The following ANO8 variants were observed in gnomAD, a reference collection of about 807,000 sequenced individuals.
ANO8 encodes the protein anoctamin 8.
ANO8 carries 67 observed loss-of-function variants against 120.4 expected under a neutral mutation model. The observed-to-expected ratio is 0.56, with a 90% CI of 0.46 to 0.68. The LOEUF is 0.68. ANO8 is among the 30% of genes least tolerant of loss of function. The probability of loss-of-function intolerance (pLI) is 0.00; values close to 1 mark genes in which losing one functional copy is unlikely to be tolerated. For missense variants in ANO8, 1,526 were observed against 1,737.6 expected (o/e 0.88, Z 2.16); for synonymous variants, 727 against 759.2 (o/e 0.96, Z 0.70).
chr19:17,328,895 C>T lies in ANO8; in HGVS notation c.1493G>A (p.Gly498Asp). The stretch of plus-strand genomic sequence containing the variant: ...CCAGACGGCCCGCAGGCCCAGCTCG[C>T]CGCGGCCCAGGCGCCGGTACAGGTG... ...QPHLYRRLGRGELGLRAVWEL... is the reference protein window; with the variant it reads ...QPHLYRRLGRDELGLRAVWEL... The change falls in exon 13 of 18, where the codon GGC becomes GAC. Residue 498 changes from glycine (G) to aspartate (D), a missense_variant. This residue lies in a region of ANO8 where 467 missense variants were observed against 425.8 expected (regional missense o/e 1.10). Transcript: ENST00000159087. 1.3e-6 allele frequency: 2 copies of T among 1,503,616 alleles called. No homozygotes were observed. The highest frequency in any genetic ancestry group is 1.4e-5 in the African/African-American group (1 of 69,054). The allele number at this position is 1,503,616 out of a possible 1,614,324, so 93.1% of individuals were successfully genotyped here.
Position 17,324,764 on chromosome 19 carries a change from G to A in ANO8, c.3284C>T (p.Ala1095Val). 3 of 1,547,620 alleles carry A rather than the reference G, an allele frequency of 1.9e-6. No individual in the cohort carries two copies. Among genetic ancestry groups the A allele is most frequent in the Non-Finnish European group, 2.6e-6 (3 of 1,148,396 alleles). ...RVQRSGPVDE[A>V]LAEELEAPRP... ...GGGGGCTTCCAGCTCCTCAGCCAGG[G>A]CCTCGTCCACCGGCCCACTCCTCTG... is the stretch of plus-strand genomic sequence containing the variant. Residue 1095 changes from alanine to valine, a missense_variant, in exon 17 of 18, where the codon GCC (alanine) becomes GTC (valine). Physicochemically the swap from Ala to Val is moderately conservative, Grantham distance 64. Transcript: ENST00000159087.
At position 17,331,362 on chromosome 19, in the gene ANO8, G is replaced by C; in HGVS notation, c.636C>G (p.His212Gln). The C allele has an allele frequency of 6.2e-7, 1 of 1,614,018 alleles. No individual in the cohort carries two copies. Among genetic ancestry groups the C allele is most frequent in the Non-Finnish European group, 8.5e-7 (1 of 1,180,028 alleles). The change falls in exon 6 of 18, where the codon CAC becomes CAG. Residue 212 changes from histidine (H) to glutamine (Q), a missense_variant. His to Gln is a conservative substitution (Grantham distance 24). Around this residue, in one of 8 missense-constraint regions of ANO8, gnomAD observed 322 missense variants for 431.8 expected, o/e 0.75. Coordinates refer to ENST00000159087, the MANE Select transcript of ANO8 (RefSeq NM_020959.3). ...RGIIQQVFPV[H>Q]EQRILNRLMK... ...TGAGGCGGTTCAGAATACGCTGCTC[G>C]TGGACAGGGAACACCTGCTGGATGA... is the stretch of plus-strand genomic sequence containing the variant.
At position 17,333,227 on chromosome 19, in the gene ANO8, C is replaced by G. The variant is rs536558508; in HGVS notation, c.363G>C (p.Gly121=). 1.7e-5 allele frequency: 27 copies of G among 1,609,894 alleles called. No homozygotes were observed. In the South Asian group the frequency reaches 2.3e-4, roughly 14 times the overall value. Residue 121 remains glycine, a synonymous_variant, in exon 4 of 18, where the codon GGG becomes GGC. Transcript: ENST00000159087. The surrounding 1 kb of genome is among the most constrained non-coding windows in gnomAD (Gnocchi z 7.2). ...VTATYESLLR[G]ADELGLRKAV... ...CTTTGCGCAGACCCAGCTCGTCGGC[C>G]CCTCGGAGTAGGCTGTGAAGAAGGC...
intron 7 of ANO8, 33 bp downstream of exon 7, chr19:17,331,055 T>A (rs1443898914): frequency 1.2e-6 from 2 of 1,613,504 alleles, no homozygotes; most frequent in Non-Finnish European, 1.7e-6. Context: ...CGCCTCTGGA[T>A]CCCCCAGACC....
chr19:17,323,656 G>C lies in ANO8; in HGVS notation c.3560C>G (p.Pro1187Arg). 1 of 1,217,704 alleles carries C rather than the reference G, an allele frequency of 8.2e-7. No homozygotes were observed. Among genetic ancestry groups the C allele is most frequent in the Non-Finnish European group, 1.0e-6 (1 of 977,252 alleles). 75.4% of individuals were successfully genotyped at this position (1,217,704 alleles called of 1,614,324 possible). The part of the protein sequence containing the change: ...AMAGPPPAPQ[P>R]LPGDASFYSL... Reference sequence around the variant, plus strand: ...GTAAAAGCTGGCGTCTCCCGGCAGGGGCTGGGGGGCGGGTGGGGGCCCGGC... The same window carrying C: ...GTAAAAGCTGGCGTCTCCCGGCAGGCGCTGGGGGGCGGGTGGGGGCCCGGC... The change falls in exon 18 of 18, where the codon CCC (proline) becomes CGC (arginine). Residue 1187 changes from proline to arginine, a missense_variant. Pro to Arg is a moderately radical substitution (Grantham distance 103). Transcript: ENST00000159087.
In ANO8 at chr19:17,323,659, T is replaced by A. The variant is rs1336423150; in HGVS notation, c.3557A>T (p.Gln1186Leu). The A allele has an allele frequency of 1.7e-5, 1 of 57,720 alleles. No individual in the cohort carries two copies. The highest frequency in any genetic ancestry group is 1.9e-5 in the Non-Finnish European group (1 of 51,398). The allele number at this position is 57,720 out of a possible 1,614,324, so 3.6% of individuals were successfully genotyped here. A position where few individuals can be genotyped will look rare whatever the true frequency, so the allele number is the denominator to read the frequency against. Residue 1186 changes from glutamine (Q) to leucine (L), a missense_variant, in exon 18 of 18, where the codon CAG (glutamine) becomes CTG (leucine). This residue lies in a region of ANO8 where 489 missense variants were observed against 548.6 expected (regional missense o/e 0.89). Transcript: ENST00000159087. ...CAMAGPPPAPQPLPGDASFYS... is the reference protein window; with the variant it reads ...CAMAGPPPAPLPLPGDASFYS... ...AAAGCTGGCGTCTCCCGGCAGGGGC[T>A]GGGGGGCGGGTGGGGGCCCGGCCAT...
rs747511911 is a variant in ANO8, at chr19:17,331,089, T to A, written c.830A>T (p.Gln277Leu). Residue 277 changes from glutamine (Q) to leucine (L), a missense_variant and splice_region_variant, in exon 7 of 18, where the codon CAG (glutamine) becomes CTG (leucine). Coordinates refer to ENST00000159087, the MANE Select transcript of ANO8 (RefSeq NM_020959.3). ...SVLYTFTEAD[Q>L]TSRDVSCVVF... is the part of the protein sequence containing the mutation. ...CCTTGCAGGGTCCCTGCCCAGTACC[T>A]GATCAGCCTCTGTGAATGTGTACAG... The A allele has an allele frequency of 6.2e-7, 1 of 1,614,196 alleles. No homozygotes were observed. Among genetic ancestry groups the A allele is most frequent in the East Asian group, 2.2e-5 (1 of 44,884 alleles).
intron 17 of ANO8, 92 bp downstream of exon 17, chr19:17,324,625 T>C: frequency 1.3e-6 from 2 of 1,488,596 alleles, no homozygotes; most frequent in South Asian, 1.4e-5. Flanking sequence ...GGGCTTCCCC[T>C]GTCCCCTTCA....
rs1329783428 is a variant in ANO8 at position 17,327,672 on chromosome 19, T to G, written c.2418+17A>C. The G allele has an allele frequency of 6.2e-7, 1 of 1,611,046 alleles. No individual in the cohort carries two copies. The highest frequency in any genetic ancestry group is 2.2e-5 in the East Asian group (1 of 44,816). On this transcript the variant is annotated intron_variant, in intron 14 of 17. Transcript: ENST00000159087. ...CTCCCTCTGGGCCTCAGCTCGGATC[T>G]CTTGGCTTCCCCCCACCTGCCACTG... is the stretch of plus-strand genomic sequence containing the variant.
chr19:17,331,213 C>T lies in ANO8; in HGVS notation c.706G>A (p.Asp236Asn), dbSNP rs2074315631. 3 of 1,614,070 alleles carry T rather than the reference C, an allele frequency of 1.9e-6. No homozygotes were observed. Among genetic ancestry groups the T allele is most frequent in the Non-Finnish European group, 2.5e-6 (3 of 1,180,042 alleles). The change falls in exon 7 of 18, where the codon GAC (aspartate) becomes AAC (asparagine). Residue 236 changes from aspartate (D) to asparagine (N), a missense_variant and splice_region_variant. By Grantham distance (23) the Asp-to-Asn change is conservative (BLOSUM62 1). Transcript: ENST00000159087. ...TTCACACCAAAGTAATCACAGATGT[C>T]ATCTGCCAGGGGACAAGTGGGTCTC... ...QAVCENQPLDDICDYFGVKIA... is the reference protein window; with the variant it reads ...QAVCENQPLDNICDYFGVKIA...
chr19:17,327,225 G>C lies in ANO8; in HGVS notation c.2661+10C>G. 6.6e-7 allele frequency: 1 copy of C among 1,521,712 alleles called. No individual in the cohort carries two copies. The highest frequency in any genetic ancestry group is 2.1e-5 in the Admixed American group (1 of 48,030). The allele number at this position is 1,521,712 out of a possible 1,614,324, so 94.3% of individuals were successfully genotyped here. On this transcript the variant is annotated intron_variant, in intron 16 of 17. Transcript: ENST00000159087. Reference sequence around the variant, plus strand: ...CAATGAGAAAACCGAGCCCAGCCTGGCCCCCCTACCTTAAAGGCCTCGCGG... The same window carrying C: ...CAATGAGAAAACCGAGCCCAGCCTGCCCCCCCTACCTTAAAGGCCTCGCGG...
Position 17,327,728 on chromosome 19 carries a change from CCGCTG to C in ANO8, c.2374_2378del (p.Gln792AlafsTer94). ...TGCTTTCCACGCGCTGGCCGAAGGG[CCGCTG>C]CAGCCCGGTGCACAGCTTGAAGGCG... On this transcript the variant is annotated frameshift_variant, in exon 14 of 18. Coordinates refer to ENST00000159087, the MANE Select transcript of ANO8 (RefSeq NM_020959.3). LOFTEE classifies it high-confidence loss of function. 1 of 1,613,904 alleles carries C rather than the reference CCGCTG, an allele frequency of 6.2e-7. No homozygotes were observed. Among genetic ancestry groups the C allele is most frequent in the Non-Finnish European group, 8.5e-7 (1 of 1,179,930 alleles).
In ANO8 at chr19:17,328,320, C is replaced by G. The variant is rs1161279283; in HGVS notation, c.2068G>C (p.Gly690Arg). 1 of 1,595,256 alleles carries G rather than the reference C, an allele frequency of 6.3e-7. No homozygotes were observed. Among genetic ancestry groups the G allele is most frequent in the Admixed American group, 1.7e-5 (1 of 57,954 alleles). Residue 690 changes from glycine (G) to arginine (R), a missense_variant, in exon 13 of 18, where the codon GGG becomes CGG. By Grantham distance (125) the Gly-to-Arg change is moderately radical (BLOSUM62 -2). This residue lies in a region of ANO8 where 467 missense variants were observed against 425.8 expected (regional missense o/e 1.10). Transcript: ENST00000159087. The stretch of plus-strand genomic sequence containing the variant: ...TCCGGGTCCGGGCCCCCGTCGGGCC[C>G]CTGGTCTCGGCCCTCGCCCCCGGCC... ...RRAGGEGRDQGPDGGPDPEPG... is the reference protein window; with the variant it reads ...RRAGGEGRDQRPDGGPDPEPG...
In ANO8 at chr19:17,328,157, C is replaced by A. The variant is rs764178395; in HGVS notation, c.2226+5G>T. ...GCCCCCTGCGAGGCCCCGCCCCCTC[C>A]TCACCTCGTACTTCTTCATACAGCT... is the stretch of plus-strand genomic sequence containing the variant. On this transcript the variant is annotated splice_donor_5th_base_variant and intron_variant, in intron 13 of 17. Coordinates refer to ENST00000159087, the MANE Select transcript of ANO8 (RefSeq NM_020959.3). 13 of 1,560,958 alleles carry A rather than the reference C, an allele frequency of 8.3e-6. No homozygotes were observed. The highest frequency in any genetic ancestry group is 1.7e-4 in the Middle Eastern group (1 of 5,892).
Position 17,330,018 on chromosome 19 carries a change from G to A in ANO8, c.1274-4C>T, listed in dbSNP as rs978795278. On this transcript the variant is annotated splice_region_variant and splice_polypyrimidine_tract_variant and intron_variant, in intron 10 of 17. Transcript: ENST00000159087. ...GCGCTCTCCAGCCGGTAATTTTCTA[G>A]GGGCCAAGGGGGGGAGTGAGGGGGC... The A allele has an allele frequency of 3.1e-6, 5 of 1,613,680 alleles. No homozygotes were observed. The highest frequency in any genetic ancestry group is 4.2e-6 in the Non-Finnish European group (5 of 1,179,950).
chr19:17,327,422 C>T lies in ANO8; in HGVS notation c.2550+16G>A, dbSNP rs2145685405. 6.3e-7 allele frequency: 1 copy of T among 1,593,258 alleles called. No homozygotes were observed. The highest frequency in any genetic ancestry group is 8.5e-7 in the Non-Finnish European group (1 of 1,170,066). ...TCTCGCCTCCCAGCTGCCCCCGCCC[C>T]TGTCGCCGGCCCCACCTCGAGCACT... On this transcript the variant is annotated intron_variant, in intron 15 of 17. Transcript: ENST00000159087.
intron 13 of ANO8, 132 bp from the exon 14 acceptor site, chr19:17,328,012 C>T: frequency 7.2e-7 from 1 of 1,391,936 alleles, no homozygotes; most frequent in Admixed American, 2.6e-5. Context: ...CCAGAGGCTT[C>T]CTGTATCTGG....
chr19:17,327,153 C>A, intron 16 of ANO8, 82 bp downstream of exon 16: 1 of 1,225,630 alleles, frequency 8.2e-7, no homozygotes, highest in Non-Finnish European at 1.1e-6. Context: ...TTTGCCCTTA[C>A]GCTAAGGAAT....
rs1352207962 is a variant in ANO8 at position 17,328,599 on chromosome 19, C to G, written c.1789G>C (p.Glu597Gln). The G allele has an allele frequency of 2.6e-6, 4 of 1,544,546 alleles. No individual in the cohort carries two copies. Among genetic ancestry groups the G allele is most frequent in the Non-Finnish European group, 3.5e-6 (4 of 1,144,898 alleles). Residue 597 changes from glutamate to glutamine, a missense_variant, in exon 13 of 18, where the codon GAG (glutamate) becomes CAG (glutamine). Physicochemically the swap from Glu to Gln is conservative, Grantham distance 29. Coordinates refer to ENST00000159087, the MANE Select transcript of ANO8 (RefSeq NM_020959.3). ...CCTTCCTCGCCCTCCTCCTCGTCCT[C>G]CTCTTCCTCCTCGTCCTCCTCCTCC... ...DEEEEDEEEE[E>Q]DEEEGEEGGL...
Sources: allele counts gnomAD v4.1 joint callset, GRCh38; gene constraint gnomAD v4.1.1; regional missense constraint gnomAD v4.1.1; non-coding constraint Gnocchi (gnomAD v3.1); transcripts MANE v1.5; gene names NCBI Gene and HGNC (gene_info 2026-07-23, HGNC 2026-07-21).